Variants in KTN1 observed in about 807,000 individuals in gnomAD.
KTN1 encodes the protein kinectin 1, also known as kinectin.
Under a neutral mutation model 222.5 loss-of-function variants are expected in KTN1, and 130 were observed. That is an observed-to-expected ratio of 0.58 (90% CI 0.51 to 0.68). The LOEUF is 0.68. Among genes scored for constraint, KTN1 ranks in the 30% least tolerant of loss-of-function variants. KTN1 has a pLI of 0.00. For synonymous variants in KTN1, 512 were observed against 496.3 expected, an observed-to-expected ratio of 1.03 and a Z score of -0.42; for missense variants, 1,508 against 1,500.4, an observed-to-expected ratio of 1.01 and a Z score of -0.08.
intron 32 of KTN1, chr14:55,663,293 T>C (rs1047282349): frequency 1.1e-5 from 2 of 177,086 alleles, no homozygotes; most frequent in Non-Finnish European, 2.4e-5. Flanking sequence ...GCTGTTAAAA[T>C]CCAGATCTCT....
In KTN1 at chr14:55,641,115, TC is replaced by T; in HGVS notation, c.2022-11del. On this transcript the variant is annotated splice_polypyrimidine_tract_variant and intron_variant, in intron 16 of 43. Transcript: ENST00000395314. ...GTATGAAGTATTTTAATTTTTTTTTTCACCCTCATAGTGTTTATGTTAAAGA... is the reference window on the plus strand; with the variant it reads ...GTATGAAGTATTTTAATTTTTTTTTTACCCTCATAGTGTTTATGTTAAAGA... 6.4e-7 allele frequency: 1 copy of T among 1,557,442 alleles called. No individual in the cohort carries two copies. Among genetic ancestry groups the T allele is most frequent in the Admixed American group, 1.9e-5 (1 of 53,128 alleles).
chr14:55,607,485 T>G (rs1343691656), intron 1 of KTN1: 1 of 152,184 alleles, frequency 6.6e-6, no homozygotes, highest in Admixed American at 6.5e-5. Context: ...TTTTTTTCTT[T>G]GAGAAAGCGG....
intron 34 of KTN1, 68 bp downstream of exon 34, chr14:55,667,398 A>T (rs1214345483): frequency 2.3e-6 from 2 of 851,088 alleles, no homozygotes; most frequent in Non-Finnish European, 3.8e-6. Flanking sequence ...AAGCAACATC[A>T]TTTGCACTCC....
At chr14:55,591,219 C>T (rs1245249071) in intron 1 of KTN1, among the ~76,000 whole-genome samples, 3 of 152,118 alleles carry the variant, frequency 2.0e-5, no homozygotes, top group Non-Finnish European at 1.5e-5. Flanking sequence ...TAAATTATGA[C>T]TCAGTATATT....
intron 28 of KTN1, among the ~76,000 whole-genome samples, chr14:55,655,442 G>A (rs555476993): frequency 2.0e-5 from 3 of 152,208 alleles, no homozygotes; most frequent in Admixed American, 1.3e-4. Flanking sequence ...TCAGCTCAAC[G>A]AATACTTGAG....
chr14:55,645,275 T>C (rs1190400247), intron 18 of KTN1, among the ~76,000 whole-genome samples: 1 of 152,122 alleles, frequency 6.6e-6, no homozygotes, highest in Non-Finnish European at 1.5e-5. Flanking sequence ...AGAGTATTGG[T>C]ATATTGCAGA....
At position 55,653,059 on chromosome 14, in the gene KTN1, G is replaced by A. The variant is rs1330614669; in HGVS notation, c.2737G>A (p.Glu913Lys). The change falls in exon 27 of 44, where the codon GAA (glutamate) becomes AAA (lysine). Residue 913 changes from glutamate (E) to lysine (K), a missense_variant. By Grantham distance (56) the Glu-to-Lys change is moderately conservative (BLOSUM62 1). Coordinates refer to ENST00000395314, the MANE Select transcript of KTN1 (RefSeq NM_001079521.2). ...ENESLKAHVQ[E>K]VAQHNLKEAS... ...TGAATCTTTAAAAGCACATGTTCAGGAAGTAGCACAACATAACTTGAAAGA... is the reference window on the plus strand; with the variant it reads ...TGAATCTTTAAAAGCACATGTTCAGAAAGTAGCACAACATAACTTGAAAGA... 6.2e-7 allele frequency: 1 copy of A among 1,600,530 alleles called. No individual in the cohort carries two copies. The highest frequency in any genetic ancestry group is 8.6e-7 in the Non-Finnish European group (1 of 1,168,240).
intron 34 of KTN1, 100 bp downstream of exon 34, chr14:55,667,430 G>C (rs945436911): frequency 1.7e-6 from 1 of 589,584 alleles, no homozygotes. Context: ...GTAGAGTGCT[G>C]ATTTCTTGAT....
At chr14:55,671,904 A>C (rs748185794) in intron 37 of KTN1, 27 bp downstream of exon 37, 54 of 1,348,326 alleles carry the variant, frequency 4.0e-5, no homozygotes, top group Non-Finnish European at 5.3e-5. Context: ...AGCTTAGAGC[A>C]GTGGTTCTCG....
At position 55,650,343 on chromosome 14, in the gene KTN1, T is replaced by A. The variant is rs756948606; in HGVS notation, c.2421T>A (p.Asp807Glu). Reference sequence around the variant, plus strand: ...TTTATTGAAGGATCCATGAGAAAGATGGAAAGATCAAGTCTGTAGAAGAGC... The same window carrying A: ...TTTATTGAAGGATCCATGAGAAAGAAGGAAAGATCAAGTCTGTAGAAGAGC... ...EELKKVIHEK[D>E]GKIKSVEELL... The change falls in exon 23 of 44, where the codon GAT becomes GAA. Residue 807 changes from aspartate (D) to glutamate (E), a missense_variant. Transcript: ENST00000395314. 1 of 1,598,950 alleles carries A rather than the reference T, an allele frequency of 6.3e-7. No individual in the cohort carries two copies. The highest frequency in any genetic ancestry group is 2.2e-5 in the East Asian group (1 of 44,680).
At chr14:55,665,361 A>G (rs955842033) in intron 33 of KTN1, among the ~76,000 whole-genome samples, 6 of 152,038 alleles carry the variant, frequency 3.9e-5, no homozygotes, top group African/African-American at 1.4e-4. Flanking sequence ...GTTACATGCT[A>G]CTTGCCATAG....
chr14:55,616,705 C>T (rs548409114), intron 3 of KTN1, 51 bp downstream of exon 3: 2 of 1,458,536 alleles, frequency 1.4e-6, no homozygotes, highest in African/African-American at 1.4e-5. Flanking sequence ...GAGAAGTACA[C>T]CAGCACAAGG....
chr14:55,581,442 G>GGT (rs369432241), intron 1 of KTN1, among the ~76,000 whole-genome samples: 1,563 of 150,734 alleles, frequency 0.01, 10 homozygotes, highest in South Asian at 0.025. Flanking sequence ...TAACTGTTAA[G>GGT]GTGTGTGTGT....
intron 2 of KTN1, among the ~76,000 whole-genome samples, chr14:55,615,858 C>CT (rs1400058781): frequency 6.7e-6 from 1 of 149,942 alleles, no homozygotes; most frequent in Non-Finnish European, 1.5e-5. Flanking sequence ...CTTTCCTTCC[C>CT]TTTCTTTCTT....
chr14:55,643,198 CTG>C (rs1306359298), intron 18 of KTN1, among the ~76,000 whole-genome samples: 25 of 152,304 alleles, frequency 1.6e-4, no homozygotes, highest in South Asian at 8.3e-4. Context: ...ATGTGAGCCA[CTG>C]TGCCCAGCTA....
intron 1 of KTN1, among the ~76,000 whole-genome samples, chr14:55,605,764 G>A (rs748252908): frequency 6.6e-6 from 1 of 152,046 alleles, no homozygotes; most frequent in Non-Finnish European, 1.5e-5. Flanking sequence ...AATATAACAC[G>A]CATACTGTAT....
At chr14:55,648,922 G>A in intron 21 of KTN1, 52 bp downstream of exon 21, 3 of 1,257,500 alleles carry the variant, frequency 2.4e-6, no homozygotes, top group Non-Finnish European at 3.4e-6. Context: ...TTGTTTGTTT[G>A]TTTGTTGTTT....
chr14:55,639,990 A>C lies in KTN1; in HGVS notation c.1901A>C (p.Glu634Ala), dbSNP rs200715174. The change falls in exon 14 of 44, where the codon GAA (glutamate) becomes GCA (alanine). Residue 634 changes from glutamate to alanine, a missense_variant. Coordinates refer to ENST00000395314, the MANE Select transcript of KTN1 (RefSeq NM_001079521.2). ...ASERDRLTSK[E>A]EELKDIQNMN... ...GAACGTGATCGTTTAACAAGTAAAGAAGAGGAACTTAAGGTATAGTAATTT... is the reference window on the plus strand; with the variant it reads ...GAACGTGATCGTTTAACAAGTAAAGCAGAGGAACTTAAGGTATAGTAATTT... 2 of 1,592,828 alleles carry C rather than the reference A, an allele frequency of 1.3e-6. No individual in the cohort carries two copies. The highest frequency in any genetic ancestry group is 2.2e-5 in the East Asian group (1 of 44,614).
chr14:55,627,760 C>T (rs2040021580), intron 5 of KTN1, 152 bp from the exon 6 acceptor site: 2 of 461,564 alleles, frequency 4.3e-6, no homozygotes, highest in Admixed American at 3.6e-5. Context: ...TGATGGTTTC[C>T]AGCTTCATCC....
Sources: allele counts gnomAD v4.1 joint callset (sites outside exome capture counted in the v4.1 genomes callset), GRCh38; gene constraint gnomAD v4.1.1; transcripts MANE v1.5; gene names NCBI Gene and HGNC (gene_info 2026-07-23, HGNC 2026-07-21).